Variants in TIAM1 observed in about 807,000 individuals in gnomAD.
TIAM1 encodes the protein rho guanine nucleotide exchange factor TIAM1.
Under a neutral mutation model 163.5 loss-of-function variants are expected in TIAM1, and 65 were observed. That is an observed-to-expected ratio of 0.40 (90% CI 0.33 to 0.49). The LOEUF is 0.49. TIAM1 is among the 20% of genes least tolerant of loss of function. TIAM1 has a pLI of 0.77. For synonymous variants in TIAM1, 833 were observed against 810.1 expected, an observed-to-expected ratio of 1.03 and a Z score of -0.48; for missense variants, 1,789 against 2,044.7, an observed-to-expected ratio of 0.87 and a Z score of 2.41.
chr21:31,548,257 T>G (rs1221383307), intron 1 of TIAM1, among the ~76,000 whole-genome samples: 3 of 145,926 alleles, frequency 2.1e-5, no homozygotes, highest in African/African-American at 5.1e-5. Context: ...CTCATGTGCC[T>G]CAGTCTCCTC....
At chr21:31,192,205 C>G (rs2085594523) in intron 13 of TIAM1, among the ~76,000 whole-genome samples, 1 of 152,132 alleles carries the variant, frequency 6.6e-6, no homozygotes, top group Non-Finnish European at 1.5e-5. Flanking sequence ...TTCATTAGGC[C>G]CAAATCCTCT....
intron 2 of TIAM1, among the ~76,000 whole-genome samples, chr21:31,291,637 C>T (rs988551145): frequency 3.3e-5 from 5 of 152,262 alleles, no homozygotes; most frequent in African/African-American, 9.6e-5. Context: ...ATTCTCCTGC[C>T]TCAGCCTCCT....
At chr21:31,405,032 A>C (rs1397760395) in intron 2 of TIAM1, among the ~76,000 whole-genome samples, 1 of 152,068 alleles carries the variant, frequency 6.6e-6, no homozygotes, top group African/African-American at 2.4e-5. Context: ...GCTTGAGCCC[A>C]GGAGTTTGAG....
At chr21:31,254,711 A>C (rs924485666) in intron 4 of TIAM1, among the ~76,000 whole-genome samples, 4 of 152,152 alleles carry the variant, frequency 2.6e-5, no homozygotes, top group African/African-American at 9.7e-5. Flanking sequence ...CTCAAAACAA[A>C]ACAAACAAAC....
At chr21:31,152,021 CTTTTTTTTTT>C (rs754817467) in intron 19 of TIAM1, among the ~76,000 whole-genome samples, 49 of 112,300 alleles carry the variant, frequency 4.4e-4, no homozygotes, top group African/African-American at 1.4e-3. Context: ...CCAGAAGTGC[CTTTTTTTTTT>C]TTTTTTTTTT....
intron 2 of TIAM1, among the ~76,000 whole-genome samples, chr21:31,353,942 G>C (rs145884644): frequency 0.012 from 1,711 of 139,912 alleles, 15 homozygotes; most frequent in Non-Finnish European, 0.019. Flanking sequence ...GGGTTCAAGC[G>C]ATTCTGTGTC....
At chr21:31,255,294 G>T (rs1364236811) in intron 4 of TIAM1, among the ~76,000 whole-genome samples, 1 of 152,154 alleles carries the variant, frequency 6.6e-6, no homozygotes, top group Non-Finnish European at 1.5e-5. Context: ...TGCCCCCACT[G>T]ATATGTGACC....
rs763138902 is a variant in TIAM1 at position 31,120,479 on chromosome 21, C to T, written c.4665G>A (p.Lys1555=). The change falls in exon 28 of 28, where the codon AAG becomes AAA. Residue 1555 remains lysine, a synonymous_variant. Transcript: ENST00000541036. The surrounding 1 kb of genome is among the most constrained non-coding windows in gnomAD (Gnocchi z 4.2). ...CATTGATCCCCGACAGGGCAGCTTG[C>T]TTCTTGAGCTGTGCCATGCGGGACG... ...SHASRMAQLK[K]QAALSGINGG... is the part of the protein sequence containing the mutation. The T allele has an allele frequency of 4.3e-6, 7 of 1,614,114 alleles. No individual in the cohort carries two copies. The highest frequency in any genetic ancestry group is 5.1e-6 in the Non-Finnish European group (6 of 1,180,060).
intron 22 of TIAM1, among the ~76,000 whole-genome samples, chr21:31,139,693 A>T (rs2082758916): frequency 6.6e-6 from 1 of 152,170 alleles, no homozygotes; most frequent in African/African-American, 2.4e-5. Context: ...CTATACTCTG[A>T]TAGATTAAAT....
At chr21:31,367,999 T>C (rs146701771) in intron 2 of TIAM1, among the ~76,000 whole-genome samples, 1 of 152,108 alleles carries the variant, frequency 6.6e-6, no homozygotes, top group Non-Finnish European at 1.5e-5. Flanking sequence ...AAATAGCCAC[T>C]CTAGAATATT....
chr21:31,536,588 T>A (rs1469083998), intron 1 of TIAM1, among the ~76,000 whole-genome samples: 2 of 152,242 alleles, frequency 1.3e-5, no homozygotes, highest in Non-Finnish European at 2.9e-5. Context: ...CAATTACTTT[T>A]GCACCAACCT....
intron 1 of TIAM1, among the ~76,000 whole-genome samples, chr21:31,533,607 C>G (rs2048036220): frequency 6.6e-6 from 1 of 152,074 alleles, no homozygotes; most frequent in South Asian, 2.1e-4. Flanking sequence ...GTGGTACACA[C>G]CTGTAGTCTC....
Position 31,210,671 on chromosome 21 carries a change from GAAA to G in TIAM1, c.2218-459_2218-457del, listed in dbSNP as rs1569032996. ...AAAGAAAGAAAGAAAGAAAGAAAAA[GAAA>G]GAAAGAAAGAAAAAGAAAGAAAGAA... is the stretch of plus-strand genomic sequence containing the variant. On this transcript the variant is annotated intron_variant, in intron 10 of 27. Coordinates refer to ENST00000541036, the MANE Select transcript of TIAM1 (RefSeq NM_001353694.2). Among the ~76,000 whole-genome samples the G allele has an allele frequency of 2.0e-4, 8 of 39,424 alleles. 1 individual carries two copies. Among genetic ancestry groups the G allele is most frequent in the African/African-American group, 8.8e-4 (7 of 7,958 alleles). The allele number at this position is 39,424 out of a possible 152,430, so 25.9% of individuals were successfully genotyped here.
At chr21:31,476,180 A>T (rs2045930568) in intron 1 of TIAM1, among the ~76,000 whole-genome samples, 2 of 152,230 alleles carry the variant, frequency 1.3e-5, no homozygotes, top group Non-Finnish European at 1.5e-5. Context: ...ATACAAATGG[A>T]AAGGGCCTAA....
intron 16 of TIAM1, among the ~76,000 whole-genome samples, chr21:31,155,671 T>A (rs556189888): frequency 1.5e-4 from 23 of 151,936 alleles, no homozygotes; most frequent in South Asian, 1.0e-3. Flanking sequence ...CGCCCGGCTA[T>A]TTTTTTGTAT....
chr21:31,401,912 TAA>T (rs113662353), intron 2 of TIAM1, among the ~76,000 whole-genome samples: 3 of 137,008 alleles, frequency 2.2e-5, no homozygotes, highest in African/African-American at 5.4e-5. Flanking sequence ...CTCTATCTCT[TAA>T]AAAAAAAAAA....
At chr21:31,522,522 C>CA (rs2047637266) in intron 1 of TIAM1, among the ~76,000 whole-genome samples, 1 of 150,258 alleles carries the variant, frequency 6.7e-6, no homozygotes, top group Non-Finnish European at 1.5e-5. Context: ...AAAAAAAAAA[C>CA]AAAAACAAAA....
At chr21:31,438,167 C>T (rs533746356) in intron 2 of TIAM1, among the ~76,000 whole-genome samples, 27 of 129,838 alleles carry the variant, frequency 2.1e-4, no homozygotes, top group African/African-American at 6.7e-4. Context: ...TATGTAATTG[C>T]GTATTTGTGA....
chr21:31,382,892 A>G (rs2147178026), intron 2 of TIAM1, among the ~76,000 whole-genome samples: 1 of 152,336 alleles, frequency 6.6e-6, no homozygotes, highest in Non-Finnish European at 1.5e-5. Flanking sequence ...GCGAATTACC[A>G]TTATGCACTT....
Sources: allele counts gnomAD v4.1 joint callset (sites outside exome capture counted in the v4.1 genomes callset), GRCh38; gene constraint gnomAD v4.1.1; non-coding constraint Gnocchi (gnomAD v3.1); transcripts MANE v1.5; gene names NCBI Gene and HGNC (gene_info 2026-07-23, HGNC 2026-07-21).